Variants in PCSK5 observed in about 807,000 individuals in gnomAD.
PCSK5 encodes the protein proprotein convertase subtilisin/kexin type 5.
In PCSK5, 129 loss-of-function variants were observed where a neutral mutation model predicts 233.2. The ratio of observed to expected loss-of-function variants is 0.55; its 90% confidence interval spans 0.48 to 0.64. The LOEUF (loss-of-function observed/expected upper bound fraction) is 0.64. PCSK5 is among the 30% of genes least tolerant of loss of function. The pLI is 0.00. For missense variants in PCSK5, 2,076 were observed against 2,430.1 expected, an observed-to-expected ratio of 0.85 and a Z score of 3.06; for synonymous variants, 825 against 879.2, an observed-to-expected ratio of 0.94 and a Z score of 1.09.
At chr9:76,016,796 T>C (rs1378715415) in intron 3 of PCSK5, among the ~76,000 whole-genome samples, 1 of 152,184 alleles carries the variant, frequency 6.6e-6, no homozygotes, top group Non-Finnish European at 1.5e-5. Context: ...AGAAACACCA[T>C]CCACTTAACT....
intron 2 of PCSK5, among the ~76,000 whole-genome samples, chr9:75,960,353 G>A (rs186353298): frequency 3.2e-4 from 48 of 152,290 alleles, no homozygotes; most frequent in African/African-American, 1.0e-3. Context: ...AGAGGTCAGG[G>A]CAGCTCAATA....
chr9:76,355,480 G>T (rs924838435), intron 37 of PCSK5, among the ~76,000 whole-genome samples: 1 of 150,510 alleles, frequency 6.6e-6, no homozygotes, highest in East Asian at 2.0e-4. Flanking sequence ...CTCAAAAAAA[G>T]AAAAGAAAAG....
intron 2 of PCSK5, among the ~76,000 whole-genome samples, chr9:75,935,938 T>G (rs1824036242): frequency 6.6e-6 from 1 of 152,186 alleles, no homozygotes; most frequent in African/African-American, 2.4e-5. Context: ...ACTTTAAAAT[T>G]ACTACAAGCA....
chr9:76,051,158 C>T (rs554559274), intron 5 of PCSK5, among the ~76,000 whole-genome samples: 72 of 152,284 alleles, frequency 4.7e-4, no homozygotes, highest in African/African-American at 1.7e-3. Flanking sequence ...AATTTACCAA[C>T]CAGGGTTCAT....
chr9:76,181,492 C>T lies in PCSK5; in HGVS notation c.2098C>T (p.His700Tyr). Residue 700 changes from histidine to tyrosine, a missense_variant, in exon 16 of 38, where the codon CAT becomes TAT. By Grantham distance (83) the His-to-Tyr change is moderately conservative (BLOSUM62 2). Around this residue, in one of 6 missense-constraint regions of PCSK5, gnomAD observed 1,510 missense variants for 1,538.1 expected, o/e 0.98. Transcript: ENST00000674117. ...CAACTGTGAGTCCTGCTTTGGGAGC[C>T]ATGGTGACCAATGCATGTCCTGCAA... ...APNCESCFGS[H>Y]GDQCMSCKYG... is the part of the protein sequence containing the mutation. 1 of 1,614,040 alleles carries T rather than the reference C, an allele frequency of 6.2e-7. No homozygotes were observed. Among genetic ancestry groups the T allele is most frequent in the Non-Finnish European group, 8.5e-7 (1 of 1,179,944 alleles).
chr9:76,012,791 A>G (rs1276087590), intron 3 of PCSK5, among the ~76,000 whole-genome samples: 1 of 152,210 alleles, frequency 6.6e-6, no homozygotes, highest in Non-Finnish European at 1.5e-5. Flanking sequence ...CCAACTACTT[A>G]TGGTCCATGT....
chr9:76,197,378 T>C (rs2131263689), intron 20 of PCSK5, among the ~76,000 whole-genome samples: 1 of 152,308 alleles, frequency 6.6e-6, no homozygotes, highest in African/African-American at 2.4e-5. Flanking sequence ...TTCCGCTGAA[T>C]AAGCTACCCT....
intron 20 of PCSK5, chr9:76,194,298 A>G (rs542432590): frequency 6.6e-6 from 1 of 152,164 alleles, no homozygotes; most frequent in African/African-American, 2.4e-5. Context: ...CATTTTGGAT[A>G]TGATGCAGGA....
At chr9:76,270,239 G>T (rs1827472170) in intron 24 of PCSK5, among the ~76,000 whole-genome samples, 2 of 152,152 alleles carry the variant, frequency 1.3e-5, no homozygotes, top group African/African-American at 4.8e-5. Context: ...CAGCAAGGGA[G>T]ATAAGTGTAT....
intron 7 of PCSK5, among the ~76,000 whole-genome samples, chr9:76,074,257 T>G (rs1447461602): frequency 1.3e-5 from 2 of 152,208 alleles, no homozygotes; most frequent in African/African-American, 4.8e-5. Context: ...CCCTTAAGAA[T>G]AGAACTCATT....
intron 2 of PCSK5, among the ~76,000 whole-genome samples, chr9:75,956,458 G>C (rs1825098639): frequency 6.6e-6 from 1 of 152,106 alleles, no homozygotes; most frequent in South Asian, 2.1e-4. Context: ...ACCTACCCTT[G>C]GTCACTTCCC....
chr9:76,232,181 A>G (rs1010709762), intron 21 of PCSK5, among the ~76,000 whole-genome samples: 6 of 152,176 alleles, frequency 3.9e-5, no homozygotes, highest in East Asian at 1.9e-4. Context: ...ATACAGGAAC[A>G]AGGTGCTTGA....
intron 37 of PCSK5, 144 bp downstream of exon 37, chr9:76,354,363 T>G: frequency 1.6e-6 from 1 of 623,796 alleles, no homozygotes; most frequent in South Asian, 2.1e-5. Context: ...CTACTGTACT[T>G]GAAACTTCAT....
chr9:76,005,239 A>G (rs192451482), intron 3 of PCSK5, among the ~76,000 whole-genome samples: 34 of 152,330 alleles, frequency 2.2e-4, no homozygotes, highest in African/African-American at 8.2e-4. Flanking sequence ...CAATAGAGTC[A>G]GACTCTTTGG....
Position 76,358,672 on chromosome 9 carries a change from G to A in PCSK5, c.5414G>A (p.Gly1805Asp), listed in dbSNP as rs956708492. The A allele has an allele frequency of 8.1e-6, 13 of 1,612,702 alleles. No individual in the cohort carries two copies. Among genetic ancestry groups the A allele is most frequent in the African/African-American group, 1.3e-5 (1 of 74,892 alleles). The change falls in exon 38 of 38, where the codon GGC becomes GAC. Residue 1805 changes from glycine (G) to aspartate (D), a missense_variant. Gly to Asp is a moderately conservative substitution (Grantham distance 94). This residue lies in a region of PCSK5 where 1,510 missense variants were observed against 1,538.1 expected (regional missense o/e 0.98). Coordinates refer to ENST00000674117, the MANE Select transcript of PCSK5 (RefSeq NM_001372043.1). ...RGRVQPAAKA[G>D]YEKLADPNKS... is the part of the protein sequence containing the mutation. ...CGAGTCCAGCCAGCAGCAAAGGCCGGCTATGAAAAACTGGCCGACCCCAAC... is the reference window on the plus strand; with the variant it reads ...CGAGTCCAGCCAGCAGCAAAGGCCGACTATGAAAAACTGGCCGACCCCAAC...
chr9:75,964,073 G>A (rs1825471820), intron 2 of PCSK5, among the ~76,000 whole-genome samples: 1 of 152,140 alleles, frequency 6.6e-6, no homozygotes, highest in African/African-American at 2.4e-5. Flanking sequence ...TTGTTGAGAG[G>A]ATTCGAAGCT....
chr9:75,938,808 TCTTTCCTTTA>T (rs1824174024), intron 2 of PCSK5, among the ~76,000 whole-genome samples: 1 of 152,216 alleles, frequency 6.6e-6, no homozygotes, highest in Admixed American at 6.5e-5. Context: ...TGGGCAGGTC[TCTTTCCTTTA>T]TCTTGGATGT....
chr9:75,977,381 C>T (rs916517705), intron 2 of PCSK5, among the ~76,000 whole-genome samples: 1 of 122,802 alleles, frequency 8.1e-6, no homozygotes, highest in African/African-American at 3.0e-5. Flanking sequence ...ACTCTCCCGC[C>T]CCCCACCCGC....
chr9:76,015,135 GTCTGAA>G (rs2131463615), intron 3 of PCSK5, among the ~76,000 whole-genome samples: 1 of 152,336 alleles, frequency 6.6e-6, no homozygotes, highest in South Asian at 2.1e-4. Flanking sequence ...GTAAGTCCCA[GTCTGAA>G]TCTGAAGACA....
Sources: gnomAD v4.1 joint callset for allele counts (sites outside exome capture counted in the v4.1 genomes callset) on GRCh38, gnomAD v4.1.1 for gene constraint, gnomAD v4.1.1 regional missense constraint, MANE v1.5 for transcripts, NCBI Gene and HGNC (gene_info 2026-07-23, HGNC 2026-07-21) for gene names.